The following CHST11 variants were observed in gnomAD, a reference collection of about 807,000 sequenced individuals.
The protein encoded by CHST11 is carbohydrate sulfotransferase 11, also known as C4S-1.
Under a neutral mutation model 30.4 loss-of-function variants are expected in CHST11, and 9 were observed. The observed-to-expected ratio is 0.30, with a 90% CI of 0.18 to 0.52. The LOEUF (loss-of-function observed/expected upper bound fraction) is 0.52. CHST11 is among the 20% of genes least tolerant of loss of function. CHST11 has a pLI of 0.97. For synonymous variants in CHST11, 152 were observed against 187.8 expected (o/e 0.81, Z 1.56); for missense variants, 348 against 460.6 (o/e 0.76, Z 2.24).
At chr12:104,630,601 A>G (rs532919257) in intron 2 of CHST11, among the ~76,000 whole-genome samples, 20 of 152,194 alleles carry the variant, frequency 1.3e-4, no homozygotes, top group Non-Finnish European at 2.2e-4. Flanking sequence ...CCCGAAAGGG[A>G]AACTGACAGC....
intron 2 of CHST11, among the ~76,000 whole-genome samples, chr12:104,629,799 G>A (rs2039254379): frequency 6.6e-6 from 1 of 152,186 alleles, no homozygotes; most frequent in South Asian, 2.1e-4. Flanking sequence ...TCCAGCCTGG[G>A]CAAGAGTTAA....
At chr12:104,491,503 C>T (rs1160669555) in intron 1 of CHST11, among the ~76,000 whole-genome samples, 2 of 151,290 alleles carry the variant, frequency 1.3e-5, no homozygotes, top group African/African-American at 4.9e-5. Context: ...GGATCTGTTT[C>T]TGTTGCCCAG....
In CHST11 at chr12:104,748,580, C is replaced by G. The variant is rs554437451; in HGVS notation, c.205-8369C>G. On this transcript the variant is annotated intron_variant, in intron 2 of 2. Coordinates refer to ENST00000303694, the MANE Select transcript of CHST11 (RefSeq NM_018413.6). ...GGGGGAGATTAAGAGGAAGAGACAC[C>G]TGGGGAGTGGAGTCGGGGGAGAGAT... Among the ~76,000 whole-genome samples the G allele has an allele frequency of 2.0e-5, 3 of 150,614 alleles. 1 individual carries two copies. In the South Asian group the frequency reaches 6.3e-4, roughly 32 times the overall value.
chr12:104,713,231 A>G (rs763077751), intron 2 of CHST11, among the ~76,000 whole-genome samples: 16 of 152,046 alleles, frequency 1.1e-4, no homozygotes, highest in Non-Finnish European at 2.4e-4. Context: ...CCTCCTCCGA[A>G]TCCAATAGGT....
At chr12:104,480,989 G>C (rs760860665) in intron 1 of CHST11, among the ~76,000 whole-genome samples, 51 of 152,204 alleles carry the variant, frequency 3.4e-4, no homozygotes, top group Admixed American at 6.5e-4. Context: ...TTTCCAGTTG[G>C]AGTCAGGGGA....
At chr12:104,476,652 A>T (rs774237985) in intron 1 of CHST11, among the ~76,000 whole-genome samples, 1 of 152,104 alleles carries the variant, frequency 6.6e-6, no homozygotes, top group Non-Finnish European at 1.5e-5. Flanking sequence ...TTCAGAGGTT[A>T]TAAACCTTTG....
At chr12:104,655,262 C>T (rs2039532964) in intron 2 of CHST11, among the ~76,000 whole-genome samples, 1 of 152,248 alleles carries the variant, frequency 6.6e-6, no homozygotes, top group African/African-American at 2.4e-5. Flanking sequence ...TACAAATCCC[C>T]CTGACCTTCG....
chr12:104,643,413 G>A (rs1418934579), intron 2 of CHST11, among the ~76,000 whole-genome samples: 2 of 152,136 alleles, frequency 1.3e-5, no homozygotes, highest in Non-Finnish European at 2.9e-5. Context: ...AAGTTTGGAG[G>A]GTTAGATACG....
chr12:104,579,903 G>C (rs1006520168), intron 1 of CHST11, among the ~76,000 whole-genome samples: 1 of 152,224 alleles, frequency 6.6e-6, no homozygotes, highest in African/African-American at 2.4e-5. Flanking sequence ...ATCCTCTGCT[G>C]CTTCTGAATC....
chr12:104,532,970 C>G (rs1467169476), intron 1 of CHST11, among the ~76,000 whole-genome samples: 1 of 152,150 alleles, frequency 6.6e-6, no homozygotes, highest in Non-Finnish European at 1.5e-5. Context: ...GAGATAGGTT[C>G]TCGCTATGTT....
intron 2 of CHST11, among the ~76,000 whole-genome samples, chr12:104,617,853 C>T (rs1048539294): frequency 6.6e-6 from 1 of 151,976 alleles, no homozygotes; most frequent in African/African-American, 2.4e-5. Flanking sequence ...GTGTAAAGTG[C>T]CTAGAACAGT....
At chr12:104,595,198 A>AGCTCTGCTTC (rs1482606474) in intron 1 of CHST11, among the ~76,000 whole-genome samples, 4 of 152,110 alleles carry the variant, frequency 2.6e-5, no homozygotes, top group African/African-American at 9.7e-5. Flanking sequence ...ACAGACTACC[A>AGCTCTGCTTC]GCTCTGCTTC....
At chr12:104,490,555 G>A (rs1049214126) in intron 1 of CHST11, among the ~76,000 whole-genome samples, 10 of 152,210 alleles carry the variant, frequency 6.6e-5, no homozygotes, top group African/African-American at 2.4e-4. Flanking sequence ...CCCAGATCAA[G>A]GTACAAGCAC....
intron 1 of CHST11, among the ~76,000 whole-genome samples, chr12:104,485,856 C>T (rs2037672159): frequency 6.6e-6 from 1 of 152,248 alleles, no homozygotes; most frequent in African/African-American, 2.4e-5. Context: ...CCTGCCTCCT[C>T]CCTTCAGGGC....
At chr12:104,592,516 G>A (rs1194083268) in intron 1 of CHST11, among the ~76,000 whole-genome samples, 1 of 152,076 alleles carries the variant, frequency 6.6e-6, no homozygotes, top group Non-Finnish European at 1.5e-5. Context: ...CTACCCCCAT[G>A]ACCAAATCAC....
rs557971606 is a variant in CHST11, at chr12:104,636,464, G to C, written c.204+34473G>C. ...TGAGGAGCTCGAAGCTCCTGTAAAA[G>C]TCCTTGGCCCTTTAGGTGCGCTCTG... On this transcript the variant is annotated intron_variant, in intron 2 of 2. Coordinates refer to ENST00000303694, the MANE Select transcript of CHST11 (RefSeq NM_018413.6). Among the ~76,000 whole-genome samples, 4 of 152,354 alleles carry C rather than the reference G, an allele frequency of 2.6e-5. No homozygotes were observed. In the South Asian group the frequency reaches 8.3e-4, roughly 32 times the overall value.
chr12:104,478,349 T>C lies in CHST11; in HGVS notation c.118+20820T>C, dbSNP rs191886188. ...CCATACCAGAGACCCCAAAATACAC[T>C]GTAAGTAAAAATGTGATGTTTGCCA... On this transcript the variant is annotated intron_variant, in intron 1 of 2. Transcript: ENST00000303694. 3.4e-4 allele frequency among the ~76,000 whole-genome samples: 52 copies of C among 152,222 alleles called. No homozygotes were observed. The South Asian group carries it at 6.8e-3, about 20-fold the overall frequency.
At chr12:104,609,226 C>T (rs2039035424) in intron 2 of CHST11, among the ~76,000 whole-genome samples, 1 of 152,222 alleles carries the variant, frequency 6.6e-6, no homozygotes, top group Non-Finnish European at 1.5e-5. Flanking sequence ...TTTGACTCAG[C>T]ATCTGTCTAC....
intron 1 of CHST11, among the ~76,000 whole-genome samples, chr12:104,522,125 AATAC>A (rs113855411): frequency 0.04 from 6,121 of 152,244 alleles, 382 homozygotes; most frequent in African/African-American, 0.14. Flanking sequence ...TGGCTTCTCC[AATAC>A]ATTTATCTCT....
Sources: allele counts gnomAD v4.1 joint callset (sites outside exome capture counted in the v4.1 genomes callset), GRCh38; gene constraint gnomAD v4.1.1; transcripts MANE v1.5; gene names NCBI Gene and HGNC (gene_info 2026-07-23, HGNC 2026-07-21).